RFX3: variants seen among roughly 807,000 people sequenced by gnomAD.
RFX3 encodes the protein regulatory factor X3, also known as transcription factor RFX3.
Under a neutral mutation model 98.6 loss-of-function variants are expected in RFX3, and 14 were observed. The ratio of observed to expected loss-of-function variants is 0.14; its 90% CI spans 0.09 to 0.22. RFX3 has a LOEUF of 0.22. Ranked by LOEUF, RFX3 falls within the 10% of genes least tolerant of loss-of-function variation. The pLI is 1.00. For synonymous variants in RFX3, 383 were observed against 328.4 expected, an observed-to-expected ratio of 1.17 and a Z score of -1.80; for missense variants, 639 against 926.9, an observed-to-expected ratio of 0.69 and a Z score of 4.03.
chr9:3,412,341 T>C (rs111888461), intron 1 of RFX3, among the ~76,000 whole-genome samples: 4,091 of 152,258 alleles, frequency 0.027, 193 homozygotes, highest in African/African-American at 0.094. Context: ...ATAATGAAGC[T>C]CTACCACACC....
chr9:3,287,179 T>G (rs1168887090), intron 7 of RFX3, among the ~76,000 whole-genome samples: 6 of 151,932 alleles, frequency 3.9e-5, no homozygotes, highest in African/African-American at 1.4e-4. Flanking sequence ...TGATATATTC[T>G]TTTCTCAGAC....
chr9:3,404,441 G>C (rs912766224), intron 1 of RFX3, among the ~76,000 whole-genome samples: 9 of 152,036 alleles, frequency 5.9e-5, no homozygotes, highest in African/African-American at 2.2e-4. Context: ...CATCTATACT[G>C]AATTACAAAC....
At chr9:3,468,131 C>G (rs12344492) in intron 1 of RFX3, among the ~76,000 whole-genome samples, 125 of 152,210 alleles carry the variant, frequency 8.2e-4, no homozygotes, top group African/African-American at 2.8e-3. Context: ...AAAGATAACT[C>G]AATTTAGGGC....
At chr9:3,485,580 G>C (rs1337479667) in intron 1 of RFX3, among the ~76,000 whole-genome samples, 1 of 152,152 alleles carries the variant, frequency 6.6e-6, no homozygotes, top group Admixed American at 6.5e-5. Context: ...TATTTTTAAA[G>C]TGTACATAAT....
intron 3 of RFX3, among the ~76,000 whole-genome samples, chr9:3,343,232 G>T (rs911171660): frequency 6.6e-6 from 1 of 152,138 alleles, no homozygotes; most frequent in Admixed American, 6.6e-5. Context: ...GAGCATTAGC[G>T]AGCTTACTAA....
chr9:3,239,251 T>A (rs1407489310), intron 15 of RFX3, among the ~76,000 whole-genome samples: 1 of 152,256 alleles, frequency 6.6e-6, no homozygotes, highest in African/African-American at 2.4e-5. Flanking sequence ...TTATAATATT[T>A]GCAAGGATTA....
intron 5 of RFX3, among the ~76,000 whole-genome samples, chr9:3,296,368 G>A (rs901212959): frequency 5.9e-5 from 9 of 151,920 alleles, no homozygotes; most frequent in Non-Finnish European, 1.2e-4. Flanking sequence ...TTTACAAGAA[G>A]TGAAGCTTTT....
intron 1 of RFX3, among the ~76,000 whole-genome samples, chr9:3,454,208 C>T (rs1846940991): frequency 6.6e-6 from 1 of 151,916 alleles, no homozygotes; most frequent in African/African-American, 2.4e-5. Context: ...TAAAATAAAC[C>T]ATTTCAAAAA....
At chr9:3,300,474 A>T (rs1353476129) in intron 5 of RFX3, among the ~76,000 whole-genome samples, 4 of 151,772 alleles carry the variant, frequency 2.6e-5, no homozygotes, top group Non-Finnish European at 2.9e-5. Flanking sequence ...TAAAATTAAA[A>T]TTTTTCAAAG....
intron 12 of RFX3, among the ~76,000 whole-genome samples, chr9:3,263,551 T>C (rs1823196120): frequency 1.3e-5 from 2 of 152,222 alleles, no homozygotes; most frequent in African/African-American, 2.4e-5. Flanking sequence ...TATTTAAAAA[T>C]GCATGTGAGA....
intron 1 of RFX3, among the ~76,000 whole-genome samples, chr9:3,454,426 G>T (rs1846964404): frequency 6.6e-6 from 1 of 152,090 alleles, no homozygotes; most frequent in Non-Finnish European, 1.5e-5. Flanking sequence ...TTTGCTACAA[G>T]ATTCCTTAAA....
At chr9:3,424,514 ACCGC>A (rs1843809863) in intron 1 of RFX3, among the ~76,000 whole-genome samples, 1 of 151,028 alleles carries the variant, frequency 6.6e-6, no homozygotes, top group Non-Finnish European at 1.5e-5. Flanking sequence ...GGCGCCCGCC[ACCGC>A]GCCCGGATAA....
intron 4 of RFX3, among the ~76,000 whole-genome samples, chr9:3,312,980 C>A (rs571543812): frequency 4.9e-4 from 75 of 152,330 alleles, no homozygotes; most frequent in Admixed American, 3.1e-3. Flanking sequence ...CTTCTGCAGA[C>A]TTAAATGTCC....
chr9:3,394,201 T>A (rs548820807), intron 2 of RFX3, among the ~76,000 whole-genome samples: 1 of 152,230 alleles, frequency 6.6e-6, no homozygotes, highest in Non-Finnish European at 1.5e-5. Flanking sequence ...CAGTAGCTCA[T>A]GCCTGTAATC....
chr9:3,308,631 C>T lies in RFX3; in HGVS notation c.475-7011G>A, dbSNP rs560477771. Among the ~76,000 whole-genome samples, 7 of 152,198 alleles carry T rather than the reference C, an allele frequency of 4.6e-5. No individual in the cohort carries two copies. The South Asian group carries it at 6.2e-4, about 14-fold the overall frequency. On this transcript the variant is annotated intron_variant, in intron 4 of 16. Transcript: ENST00000617270. ...AAAGATCTCTTTGCAAGATGTCATA[C>T]GACAAAGTGCTATGGAACATAAATA...
chr9:3,288,289 G>T, intron 6 of RFX3, 39 bp from the exon 7 acceptor site: 2 of 1,595,324 alleles, frequency 1.3e-6, no homozygotes, highest in Non-Finnish European at 1.7e-6. Flanking sequence ...ACAAAAGTCA[G>T]TCAAACTAAT....
At chr9:3,310,958 A>T (rs765793733) in intron 4 of RFX3, among the ~76,000 whole-genome samples, 1 of 152,220 alleles carries the variant, frequency 6.6e-6, no homozygotes, top group Non-Finnish European at 1.5e-5. Flanking sequence ...AATATGATCG[A>T]TAAACGTTAC....
At position 3,271,073 on chromosome 9, in the gene RFX3, T is replaced by G; in HGVS notation, c.1132A>C (p.Lys378Gln). ...TAGCGCCAGAATGTTTGCCACAATTTTTCTATCAGGCTAAATTGAAGATTC... is the reference window on the plus strand; with the variant it reads ...TAGCGCCAGAATGTTTGCCACAATTGTTCTATCAGGCTAAATTGAAGATTC... ...VVNLQFSLIEKLWQTFWRYSP... is the reference protein window; with the variant it reads ...VVNLQFSLIEQLWQTFWRYSP... Residue 378 changes from lysine to glutamine, a missense_variant, in exon 10 of 17, where the codon AAA becomes CAA. By Grantham distance (53) the Lys-to-Gln change is moderately conservative. Around this residue, in one of 9 missense-constraint regions of RFX3, gnomAD observed 6 missense variants for 34.5 expected, o/e 0.17. Transcript: ENST00000617270. 1 of 1,613,908 alleles carries G rather than the reference T, an allele frequency of 6.2e-7. No homozygotes were observed. The highest frequency in any genetic ancestry group is 8.5e-7 in the Non-Finnish European group (1 of 1,179,860).
At chr9:3,327,589 A>C (rs1404181926) in intron 4 of RFX3, among the ~76,000 whole-genome samples, 1 of 152,070 alleles carries the variant, frequency 6.6e-6, no homozygotes, top group Non-Finnish European at 1.5e-5. Flanking sequence ...TTTTGTTAAA[A>C]AGGAAAATTT....
Sources: allele counts gnomAD v4.1 joint callset (sites outside exome capture counted in the v4.1 genomes callset), GRCh38; gene constraint gnomAD v4.1.1; regional missense constraint gnomAD v4.1.1; transcripts MANE v1.5; gene names NCBI Gene and HGNC (gene_info 2026-07-23, HGNC 2026-07-21).